RARB: variants seen among roughly 807,000 people sequenced by gnomAD.
The protein encoded by RARB is HBV-activated protein.
A neutral mutation model predicts 51.9 loss-of-function variants in RARB; 17 were observed. The ratio of observed to expected loss-of-function variants is 0.33; its 90% CI spans 0.22 to 0.49. RARB has a LOEUF of 0.49. Among genes scored for constraint, RARB ranks in the 20% least tolerant of loss-of-function variants. RARB has a pLI of 0.99. For missense variants in RARB, 369 were observed against 550.8 expected (o/e 0.67, Z 3.30); for synonymous variants, 215 against 195.4 (o/e 1.10, Z -0.84).
chr3:25,011,338 G>A (rs991895044), intron 2 of RARB, among the ~76,000 whole-genome samples: 33 of 152,114 alleles, frequency 2.2e-4, no homozygotes, highest in African/African-American at 7.7e-4. Flanking sequence ...CCACTGAGAA[G>A]GTGACGTGTG....
chr3:24,845,369 A>T (rs1045041535), intron 1 of RARB, among the ~76,000 whole-genome samples: 1 of 152,196 alleles, frequency 6.6e-6, no homozygotes, highest in African/African-American at 2.4e-5. Flanking sequence ...GGTAAGAAGG[A>T]TTATTCCACA....
At chr3:25,279,330 C>G (rs1231703432) in intron 5 of RARB, among the ~76,000 whole-genome samples, 1 of 152,174 alleles carries the variant, frequency 6.6e-6, no homozygotes, top group Non-Finnish European at 1.5e-5. Context: ...AAGGATACCT[C>G]TTGTCCTGTT....
At chr3:24,982,968 A>G (rs1481142579) in intron 2 of RARB, among the ~76,000 whole-genome samples, 1 of 152,240 alleles carries the variant, frequency 6.6e-6, no homozygotes, top group Admixed American at 6.5e-5. Context: ...ATTTGAATCT[A>G]TACTGTAACT....
intron 3 of RARB, among the ~76,000 whole-genome samples, chr3:25,108,257 GA>G (rs1559469298): frequency 2.0e-5 from 3 of 152,014 alleles, no homozygotes; most frequent in African/African-American, 4.8e-5. Flanking sequence ...GAAACCATGG[GA>G]AAAAAATCAT....
chr3:24,953,981 G>T (rs1695954669), intron 2 of RARB, among the ~76,000 whole-genome samples: 1 of 152,152 alleles, frequency 6.6e-6, no homozygotes, highest in Admixed American at 6.5e-5. Context: ...TGAGCGCTCA[G>T]ATGAGTTTTG....
At chr3:25,542,016 G>A (rs1699404570) in intron 3 of RARB, among the ~76,000 whole-genome samples, 1 of 152,236 alleles carries the variant, frequency 6.6e-6, no homozygotes, top group African/African-American at 2.4e-5. Context: ...AAGGAAAGAA[G>A]AAGAAAGGAA....
chr3:25,325,441 C>T (rs191103480), intron 5 of RARB, among the ~76,000 whole-genome samples: 4 of 152,224 alleles, frequency 2.6e-5, no homozygotes, highest in South Asian at 2.1e-4. Flanking sequence ...GGCTAACCTC[C>T]TGGGAATGCA....
At chr3:24,833,449 C>T (rs546769481) in intron 1 of RARB, among the ~76,000 whole-genome samples, 27 of 152,244 alleles carry the variant, frequency 1.8e-4, no homozygotes, top group Non-Finnish European at 2.9e-4. Context: ...ATCTTTCATT[C>T]TCATGGTTTT....
At chr3:25,191,987 C>G (rs900964430) in intron 5 of RARB, among the ~76,000 whole-genome samples, 2 of 151,982 alleles carry the variant, frequency 1.3e-5, no homozygotes, top group South Asian at 2.1e-4. Flanking sequence ...GACATAATAT[C>G]GAATCACGGC....
At chr3:25,221,805 G>A (rs1203147693) in intron 5 of RARB, among the ~76,000 whole-genome samples, 2 of 152,156 alleles carry the variant, frequency 1.3e-5, no homozygotes, top group Non-Finnish European at 2.9e-5. Context: ...TTTTAGCTTA[G>A]AAACTAAGTG....
intron 5 of RARB, among the ~76,000 whole-genome samples, chr3:25,216,411 A>G (rs542086036): frequency 2.0e-5 from 3 of 152,234 alleles, no homozygotes; most frequent in Middle Eastern, 3.2e-3. Context: ...AGCCATAAAA[A>G]GGAATGAGTT....
At chr3:25,128,375 A>T (rs1699893857) in intron 3 of RARB, among the ~76,000 whole-genome samples, 1 of 150,668 alleles carries the variant, frequency 6.6e-6, no homozygotes, top group South Asian at 2.1e-4. Context: ...CTTACATGAA[A>T]TTATATATTT....
intron 2 of RARB, among the ~76,000 whole-genome samples, chr3:24,966,520 T>C (rs1386036601): frequency 4.6e-5 from 7 of 152,136 alleles, no homozygotes; most frequent in African/African-American, 1.7e-4. Context: ...TGTGTGTTTT[T>C]CTTAGCACAC....
At chr3:24,921,590 T>C (rs73049488) in intron 2 of RARB, among the ~76,000 whole-genome samples, 6,723 of 152,172 alleles carry the variant, frequency 0.044, 181 homozygotes, top group Middle Eastern at 0.11. Flanking sequence ...CTTTCTTCTT[T>C]TCTGCTTCTT....
intron 5 of RARB, among the ~76,000 whole-genome samples, chr3:25,182,983 A>C (rs1057192972): frequency 1.3e-5 from 2 of 152,086 alleles, no homozygotes; most frequent in Admixed American, 6.5e-5. Context: ...GACATGGAGA[A>C]CATTCCCCCC....
chr3:25,199,516 A>G (rs947049781), intron 5 of RARB, among the ~76,000 whole-genome samples: 51 of 152,054 alleles, frequency 3.4e-4, no homozygotes, highest in Non-Finnish European at 5.9e-4. Flanking sequence ...GGTTTGTTAC[A>G]TATGTATACA....
At chr3:24,863,117 G>T (rs1702785116) in intron 2 of RARB, among the ~76,000 whole-genome samples, 1 of 152,178 alleles carries the variant, frequency 6.6e-6, no homozygotes, top group Non-Finnish European at 1.5e-5. Flanking sequence ...TGATTGATGG[G>T]GTGATGGCAG....
At chr3:25,419,510 G>C (rs948590552) in intron 5 of RARB, among the ~76,000 whole-genome samples, 6 of 152,170 alleles carry the variant, frequency 3.9e-5, no homozygotes, top group Non-Finnish European at 7.3e-5. Context: ...AAAGGAGAGA[G>C]TATCTGTCAT....
chr3:25,393,816 A>T (rs1283276511), intron 5 of RARB, among the ~76,000 whole-genome samples: 1 of 151,924 alleles, frequency 6.6e-6, no homozygotes, highest in Admixed American at 6.6e-5. Flanking sequence ...TTCTTGGTTA[A>T]TCTCCCTAAT....
Sources: allele counts gnomAD v4.1 joint callset (sites outside exome capture counted in the v4.1 genomes callset), GRCh38; gene constraint gnomAD v4.1.1; transcripts MANE v1.5; gene names NCBI Gene and HGNC (gene_info 2026-07-23, HGNC 2026-07-21).